EMC7: variants seen among roughly 807,000 people sequenced by gnomAD.
EMC7 encodes the protein endoplasmic reticulum membrane protein complex subunit 7.
A neutral mutation model predicts 24.4 loss-of-function variants in EMC7; 4 were observed. That is an observed-to-expected ratio of 0.16 (90% CI 0.08 to 0.38). EMC7 has a LOEUF of 0.38. Ranked by LOEUF, EMC7 falls within the 10% of genes least tolerant of loss-of-function variation. EMC7 has a pLI of 1.00. For missense variants in EMC7, 221 were observed against 300.6 expected, an observed-to-expected ratio of 0.74 and a Z score of 1.96; for synonymous variants, 106 against 112.0, an observed-to-expected ratio of 0.95 and a Z score of 0.34.
At chr15:34,099,700 G>A (rs922358436) in intron 1 of EMC7, among the ~76,000 whole-genome samples, 3 of 152,096 alleles carry the variant, frequency 2.0e-5, no homozygotes, top group South Asian at 2.1e-4. Flanking sequence ...CAACCGCCTC[G>A]GCTCAAGTGA....
chr15:34,093,823 A>ATATATATATATTTTTTTTT (rs1190830993), intron 2 of EMC7, among the ~76,000 whole-genome samples: 3 of 48,698 alleles, frequency 6.2e-5, no homozygotes, highest in Admixed American at 2.7e-4. Context: ...ATATATATAT[A>ATATATATATATTTTTTTTT]TTTTTTTTTT....
chr15:34,088,269 A>T (rs958206350), intron 3 of EMC7, 136 bp from the exon 4 acceptor site: 24 of 696,328 alleles, frequency 3.4e-5, no homozygotes, highest in Middle Eastern at 7.9e-4. Flanking sequence ...CAACCACCGC[A>T]ATTCTACTGA....
At chr15:34,093,440 A>T (rs75456837) in intron 2 of EMC7, among the ~76,000 whole-genome samples, 6 of 134 alleles carry the variant, frequency 0.045, no homozygotes, top group Non-Finnish European at 0.088. Flanking sequence ...TCTCAAATTA[A>T]AAAAAAAAAA....
chr15:34,087,907 G>A, intron 4 of EMC7, 146 bp downstream of exon 4: 4 of 675,792 alleles, frequency 5.9e-6, no homozygotes, highest in Non-Finnish European at 1.0e-5. Flanking sequence ...TATAATCCCA[G>A]TGCTTTGGGA....
chr15:34,101,300 A>C (rs2140873417), intron 1 of EMC7, among the ~76,000 whole-genome samples: 1 of 152,292 alleles, frequency 6.6e-6, no homozygotes, highest in South Asian at 2.1e-4. Context: ...ATAAGGGTCC[A>C]CCTGTCCCCA....
intron 4 of EMC7, 84 bp downstream of exon 4, chr15:34,087,969 G>A (rs1900914373): frequency 8.3e-7 from 1 of 1,209,672 alleles, no homozygotes; most frequent in African/African-American, 1.5e-5. Context: ...CACTCAAACT[G>A]ATTGTGCCAC....
At chr15:34,098,146 T>TA (rs1901109554) in intron 1 of EMC7, among the ~76,000 whole-genome samples, 1 of 152,164 alleles carries the variant, frequency 6.6e-6, no homozygotes, top group Admixed American at 6.5e-5. Flanking sequence ...GAGCTTAGTC[T>TA]ATTTTCCCCC....
chr15:34,087,183 C>T (rs746971550), intron 4 of EMC7, among the ~76,000 whole-genome samples: 2 of 152,062 alleles, frequency 1.3e-5, no homozygotes, highest in Non-Finnish European at 1.5e-5. Context: ...AGTATCTAGA[C>T]CCTAGAAATT....
chr15:34,096,097 C>A, intron 1 of EMC7, 83 bp from the exon 2 acceptor site: 1 of 1,383,052 alleles, frequency 7.2e-7, no homozygotes. Context: ...ATCAACTCTC[C>A]CGAAAAATGA....
intron 2 of EMC7, 110 bp downstream of exon 2, chr15:34,095,785 G>T: frequency 1.9e-6 from 2 of 1,026,868 alleles, no homozygotes; most frequent in Non-Finnish European, 2.6e-6. Context: ...AGGAATAGCT[G>T]TAGTTTAAAT....
At chr15:34,093,823 A>ATATATTTTTT (rs1190830993) in intron 2 of EMC7, among the ~76,000 whole-genome samples, 3 of 48,702 alleles carry the variant, frequency 6.2e-5, no homozygotes, top group African/African-American at 1.1e-4. Flanking sequence ...ATATATATAT[A>ATATATTTTTT]TTTTTTTTTT....
intron 4 of EMC7, among the ~76,000 whole-genome samples, chr15:34,086,646 C>T (rs1900893698): frequency 6.6e-6 from 1 of 152,174 alleles, no homozygotes; most frequent in African/African-American, 2.4e-5. Context: ...TCAGGCTGGT[C>T]GTGAACTCCT....
At chr15:34,089,517 G>A (rs368099424) in intron 3 of EMC7, among the ~76,000 whole-genome samples, 26 of 151,976 alleles carry the variant, frequency 1.7e-4, no homozygotes, top group South Asian at 2.1e-4. Flanking sequence ...TCATAACATC[G>A]GTTCATAATG....
chr15:34,096,706 G>T (rs1246817743), intron 1 of EMC7, among the ~76,000 whole-genome samples: 1 of 151,996 alleles, frequency 6.6e-6, no homozygotes, highest in Non-Finnish European at 1.5e-5. Context: ...AAAAATGGCA[G>T]GCCAGGCGTG....
chr15:34,098,151 T>C (rs1194628451), intron 1 of EMC7, among the ~76,000 whole-genome samples: 2 of 152,074 alleles, frequency 1.3e-5, no homozygotes, highest in African/African-American at 2.4e-5. Flanking sequence ...TAGTCTATTT[T>C]CCCCCCAGAC....
chr15:34,095,601 A>G (rs1431244156), intron 2 of EMC7, among the ~76,000 whole-genome samples: 1 of 152,218 alleles, frequency 6.6e-6, no homozygotes, highest in Non-Finnish European at 1.5e-5. Context: ...CTTAATAATC[A>G]TATTTCAATT....
chr15:34,085,941 G>A (rs1392206217), intron 4 of EMC7: 1 of 172,386 alleles, frequency 5.8e-6, no homozygotes. Context: ...GCCTGGCATT[G>A]GGACTAGTGA....
intron 4 of EMC7, chr15:34,086,045 G>C (rs1472788394): frequency 6.4e-6 from 2 of 311,808 alleles, no homozygotes; most frequent in African/African-American, 4.5e-5. Context: ...ATTTGTTGCA[G>C]ATCAGCAGTA....
In EMC7 at chr15:34,084,594, G is replaced by T. The variant is rs969053077; in HGVS notation, c.577-108C>A. ...GGAGTAGAACAAGTGAAAGGTACTG[G>T]TTCTGAGCAATGATGCAACATCATA... On this transcript the variant is annotated intron_variant, in intron 4 of 4. Transcript: ENST00000256545. The T allele has an allele frequency of 1.4e-5, 17 of 1,247,830 alleles. No individual in the cohort carries two copies. In the African/African-American group the frequency reaches 2.3e-4, roughly 17 times the overall value. 77.3% of individuals were successfully genotyped at this position (1,247,830 alleles called of 1,614,324 possible).
Sources: allele counts gnomAD v4.1 joint callset (sites outside exome capture counted in the v4.1 genomes callset), GRCh38; gene constraint gnomAD v4.1.1; transcripts MANE v1.5; gene names NCBI Gene and HGNC (gene_info 2026-07-23, HGNC 2026-07-21).